Variants in HUNK observed in about 807,000 individuals in gnomAD.
HUNK encodes hormonally up-regulated Neu-associated kinase.
Under a neutral mutation model 61.0 loss-of-function variants are expected in HUNK, and 21 were observed. The ratio of observed to expected loss-of-function variants is 0.34; its 90% CI spans 0.24 to 0.50. The LOEUF (loss-of-function observed/expected upper bound fraction) is 0.50, where lower values mean the gene tolerates loss of function less well. Among genes scored for constraint, HUNK ranks in the 20% least tolerant of loss-of-function variants. The pLI is 0.98. For missense variants in HUNK, 772 were observed against 945.7 expected, an observed-to-expected ratio of 0.82 and a Z score of 2.41; for synonymous variants, 371 against 386.1, an observed-to-expected ratio of 0.96 and a Z score of 0.46.
intron 5 of HUNK, among the ~76,000 whole-genome samples, chr21:31,964,243 C>T (rs1422605335): frequency 1.3e-5 from 2 of 152,158 alleles, no homozygotes; most frequent in African/African-American, 4.8e-5. Flanking sequence ...ATTACGATGT[C>T]CAAGAAGGCA....
chr21:31,969,173 G>A (rs925487838), intron 6 of HUNK, among the ~76,000 whole-genome samples: 2 of 151,928 alleles, frequency 1.3e-5, no homozygotes, highest in Non-Finnish European at 2.9e-5. Context: ...CAACGTGCCC[G>A]GCCAGTCCTT....
Position 31,999,280 on chromosome 21 carries a change from G to T in HUNK, c.*96G>T. The T allele has an allele frequency of 1.7e-6, 2 of 1,152,738 alleles. No homozygotes were observed. The highest frequency in any genetic ancestry group is 2.4e-5 in the East Asian group (1 of 41,780). The allele number at this position is 1,152,738 out of a possible 1,614,324, so 71.4% of individuals were successfully genotyped here. A position where few individuals can be genotyped will look rare whatever the true frequency, so the allele number is the denominator to read the frequency against. ...TGTGAGCACTCCAAGGCCTCGCGTG[G>T]AGCATCCTTAGTCCCACCTGTAGCT... is the stretch of plus-strand genomic sequence containing the variant. On this transcript the variant is annotated 3_prime_UTR_variant, in exon 11 of 11. Transcript: ENST00000270112.
intron 1 of HUNK, among the ~76,000 whole-genome samples, chr21:31,911,484 G>A (rs562686973): frequency 2.6e-4 from 39 of 152,326 alleles, no homozygotes; most frequent in African/African-American, 8.7e-4. Flanking sequence ...GAGGAACAAC[G>A]AGGAGGCGGG....
chr21:31,893,577 G>A (rs955159079), intron 1 of HUNK, among the ~76,000 whole-genome samples: 3 of 152,142 alleles, frequency 2.0e-5, no homozygotes, highest in Admixed American at 1.3e-4. Flanking sequence ...TGATGACATC[G>A]TGGTAGAAGT....
chr21:31,989,299 G>A (rs1179595100), intron 8 of HUNK, among the ~76,000 whole-genome samples: 3 of 152,102 alleles, frequency 2.0e-5, no homozygotes, highest in African/African-American at 7.2e-5. Flanking sequence ...ACCCACACAG[G>A]GATGAAACAT....
intron 1 of HUNK, among the ~76,000 whole-genome samples, chr21:31,917,760 C>T (rs1301591602): frequency 8.2e-6 from 1 of 122,370 alleles, no homozygotes; most frequent in African/African-American, 3.1e-5. Context: ...ACACACACCC[C>T]TGGACTGAAT....
intron 4 of HUNK, among the ~76,000 whole-genome samples, chr21:31,954,509 A>C (rs2052874451): frequency 6.6e-6 from 1 of 152,252 alleles, no homozygotes; most frequent in African/African-American, 2.4e-5. Flanking sequence ...CAGAATATTC[A>C]AATTAGCAAC....
chr21:31,962,959 C>A (rs1481517226), intron 5 of HUNK, among the ~76,000 whole-genome samples: 1 of 152,206 alleles, frequency 6.6e-6, no homozygotes, highest in Non-Finnish European at 1.5e-5. Context: ...AGCAGTGCAC[C>A]AGCTGCTGAG....
At chr21:31,928,861 G>T (rs897313648) in intron 2 of HUNK, among the ~76,000 whole-genome samples, 4 of 152,214 alleles carry the variant, frequency 2.6e-5, no homozygotes, top group Non-Finnish European at 5.9e-5. Context: ...AAGGTGGAAT[G>T]AATTTCATAA....
In HUNK at chr21:31,873,486, A is replaced by G. The variant is rs1163203375; in HGVS notation, c.-189A>G. ...GTCCCGCGTCCCCTGGGCAGCCGCTATTGTCTACGCGCCTCGCTGGGCGGC... is the reference window on the plus strand; with the variant it reads ...GTCCCGCGTCCCCTGGGCAGCCGCTGTTGTCTACGCGCCTCGCTGGGCGGC... On this transcript the variant is annotated 5_prime_UTR_variant, in exon 1 of 11. Transcript: ENST00000270112. This position sits in a 1 kb window ranked among gnomAD's most constrained non-coding sequence, Gnocchi z 6.1. The G allele has an allele frequency of 1.1e-5, 3 of 263,672 alleles. No individual in the cohort carries two copies. Among genetic ancestry groups the G allele is most frequent in the Non-Finnish European group, 1.8e-5 (3 of 170,282 alleles). The allele number at this position is 263,672 out of a possible 1,614,324, so 16.3% of individuals were successfully genotyped here.
intron 2 of HUNK, among the ~76,000 whole-genome samples, chr21:31,926,077 C>T (rs950935599): frequency 6.6e-6 from 1 of 152,156 alleles, no homozygotes; most frequent in Non-Finnish European, 1.5e-5. Context: ...TGCCACAACG[C>T]CCGGCTAATT....
At chr21:31,930,106 T>G (rs762095283) in intron 2 of HUNK, among the ~76,000 whole-genome samples, 2 of 152,166 alleles carry the variant, frequency 1.3e-5, no homozygotes, top group Non-Finnish European at 2.9e-5. Context: ...GCTTCATGGA[T>G]TGGGATGTAC....
In HUNK at chr21:31,899,747, T is replaced by A. The variant is rs930442907; in HGVS notation, c.262-24721T>A. On this transcript the variant is annotated intron_variant, in intron 1 of 10. Coordinates refer to ENST00000270112, the MANE Select transcript of HUNK (RefSeq NM_014586.2). ...CATCTTCTCAGTCCCTTTTGGGTTA[T>A]TCAGCTCCTGTAAGTTACACCTCTG... 2.0e-5 allele frequency among the ~76,000 whole-genome samples: 3 copies of A among 152,144 alleles called. No homozygotes were observed. In the South Asian group the frequency reaches 6.2e-4, roughly 32 times the overall value.
In HUNK at chr21:31,924,776, C is replaced by T. The variant is rs764591309; in HGVS notation, c.554+16C>T. On this transcript the variant is annotated intron_variant, in intron 2 of 10. Transcript: ENST00000270112. This position sits in a 1 kb window ranked among gnomAD's most constrained non-coding sequence, Gnocchi z 5.1. ...TGGTCCACAGGTAAGGGCCAGGCCA[C>T]GCTGGTGATCGCTGACTGTGTGCTC... The T allele has an allele frequency of 1.1e-5, 17 of 1,569,100 alleles. No individual in the cohort carries two copies. Among genetic ancestry groups the T allele is most frequent in the Admixed American group, 1.8e-5 (1 of 55,516 alleles).
At chr21:31,951,679 T>C (rs1469413909) in intron 4 of HUNK, among the ~76,000 whole-genome samples, 1 of 152,236 alleles carries the variant, frequency 6.6e-6, no homozygotes, top group Non-Finnish European at 1.5e-5. Context: ...TCTCCAGTGC[T>C]GTACCTGTGG....
At chr21:31,967,922 G>C (rs1018000044) in intron 5 of HUNK, among the ~76,000 whole-genome samples, 42 of 152,328 alleles carry the variant, frequency 2.8e-4, no homozygotes, top group African/African-American at 9.9e-4. Flanking sequence ...GGAATGGGGA[G>C]ACCCAAACTG....
At position 32,003,486 on chromosome 21, in the gene HUNK, G is replaced by T. The variant is rs2053259356; in HGVS notation, c.*4302G>T. 6.6e-6 allele frequency: 1 copy of T among 152,158 alleles called. No homozygotes were observed. Among genetic ancestry groups the T allele is most frequent in the Non-Finnish European group, 1.5e-5 (1 of 68,044 alleles). The allele number at this position is 152,158 out of a possible 1,614,324, so 9.4% of individuals were successfully genotyped here. On this transcript the variant is annotated 3_prime_UTR_variant, in exon 11 of 11. Transcript: ENST00000270112. Reference sequence around the variant, plus strand: ...AAGAATGCAAAACTGCTATCTTTTGGGGGAGTCTGGAAGCCTGTTGGTTAG... The same window carrying T: ...AAGAATGCAAAACTGCTATCTTTTGTGGGAGTCTGGAAGCCTGTTGGTTAG...
intron 7 of HUNK, among the ~76,000 whole-genome samples, chr21:31,980,377 T>TAAG (rs2053087929): frequency 1.6e-5 from 2 of 126,128 alleles, no homozygotes; most frequent in East Asian, 2.6e-4. Context: ...GCCTGTCTTC[T>TAAG]TCTTTTTTTT....
chr21:31,981,294 G>A (rs756239649), intron 7 of HUNK, among the ~76,000 whole-genome samples: 1 of 151,654 alleles, frequency 6.6e-6, no homozygotes, highest in Non-Finnish European at 1.5e-5. Flanking sequence ...GTGGTGTGAT[G>A]CATCAACTTT....
Sources: gnomAD v4.1 joint callset for allele counts (sites outside exome capture counted in the v4.1 genomes callset) on GRCh38, gnomAD v4.1.1 for gene constraint, Gnocchi (gnomAD v3.1) non-coding constraint, MANE v1.5 for transcripts, NCBI Gene and HGNC (gene_info 2026-07-23, HGNC 2026-07-21) for gene names.